The following PLCL2 variants were observed in gnomAD, a reference collection of about 807,000 sequenced individuals.
PLCL2 encodes phospholipase C like 2.
In PLCL2, 4 loss-of-function variants were observed where a neutral mutation model predicts 79.6. The observed-to-expected ratio is 0.05, with a 90% CI of 0.02 to 0.11. The LOEUF (loss-of-function observed/expected upper bound fraction) is 0.11, where lower values mean the gene tolerates loss of function less well. PLCL2 is among the 10% of genes least tolerant of loss of function. The probability of loss-of-function intolerance (pLI) is 1.00; values close to 1 mark genes in which losing one functional copy is unlikely to be tolerated. For synonymous variants in PLCL2, 484 were observed against 457.7 expected (o/e 1.06, Z -0.73); for missense variants, 895 against 1,291.0 (o/e 0.69, Z 4.70).
At chr3:16,888,339 T>C (rs1308276598) in intron 1 of PLCL2, among the ~76,000 whole-genome samples, 1 of 152,230 alleles carries the variant, frequency 6.6e-6, no homozygotes, top group African/African-American at 2.4e-5. Context: ...CACAGATCTA[T>C]ACTAAAAGAA....
intron 3 of PLCL2, among the ~76,000 whole-genome samples, chr3:17,016,107 C>T (rs1295837023): frequency 2.6e-5 from 4 of 152,182 alleles, no homozygotes; most frequent in African/African-American, 9.7e-5. Flanking sequence ...TATTTGCTAT[C>T]ACCATGAGTT....
At chr3:17,046,838 G>A (rs2064785597) in intron 4 of PLCL2, among the ~76,000 whole-genome samples, 1 of 152,124 alleles carries the variant, frequency 6.6e-6, no homozygotes, top group African/African-American at 2.4e-5. Flanking sequence ...CTGGTGACCA[G>A]GTACCTCTGG....
chr3:16,897,652 T>G (rs1696514600), intron 1 of PLCL2, among the ~76,000 whole-genome samples: 1 of 152,206 alleles, frequency 6.6e-6, no homozygotes, highest in Non-Finnish European at 1.5e-5. Flanking sequence ...TAAGGGTGAT[T>G]TATGCGGGGA....
At chr3:16,997,444 G>A (rs2064164996) in intron 1 of PLCL2, among the ~76,000 whole-genome samples, 1 of 151,512 alleles carries the variant, frequency 6.6e-6, no homozygotes, top group African/African-American at 2.4e-5. Flanking sequence ...AGAAAGCTGA[G>A]TTTCCCTTTT....
intron 1 of PLCL2, among the ~76,000 whole-genome samples, chr3:16,902,406 T>G (rs1054423677): frequency 1.3e-5 from 2 of 152,228 alleles, no homozygotes; most frequent in Admixed American, 6.5e-5. Flanking sequence ...ATTTACCTTT[T>G]TCTAAGAGAA....
At position 16,970,217 on chromosome 3, in the gene PLCL2, C is replaced by G. The variant is rs183851976; in HGVS notation, c.328-39457C>G. ...CTAATGCTATCTCTCCCCCCTCCCCCCAGCCCACAACAGTCCCCAGAGTGT... is the reference window on the plus strand; with the variant it reads ...CTAATGCTATCTCTCCCCCCTCCCCGCAGCCCACAACAGTCCCCAGAGTGT... On this transcript the variant is annotated intron_variant, in intron 1 of 5. Coordinates refer to ENST00000615277, the MANE Select transcript of PLCL2 (RefSeq NM_001144382.2). Among the ~76,000 whole-genome samples the G allele has an allele frequency of 3.9e-4, 60 of 151,944 alleles. 1 individual carries two copies. In the South Asian group the frequency reaches 0.011, roughly 29 times the overall value.
chr3:16,983,975 C>T (rs1026572443), intron 1 of PLCL2, among the ~76,000 whole-genome samples: 1 of 152,098 alleles, frequency 6.6e-6, no homozygotes, highest in African/African-American at 2.4e-5. Context: ...ATTATGAAGA[C>T]AATCAAAATA....
intron 4 of PLCL2, among the ~76,000 whole-genome samples, chr3:17,054,637 C>T (rs1477875837): frequency 6.6e-6 from 1 of 152,020 alleles, no homozygotes; most frequent in Non-Finnish European, 1.5e-5. Context: ...TGAGAACTTA[C>T]TATATACTAC....
At position 16,885,390 on chromosome 3, in the gene PLCL2, C is replaced by T. The variant is rs766567189; in HGVS notation, c.327+24C>T. The T allele has an allele frequency of 1.9e-5, 11 of 578,774 alleles. No homozygotes were observed. The South Asian group carries it at 2.0e-4, about 11-fold the overall frequency. The allele number at this position is 578,774 out of a possible 1,614,324, so 35.9% of individuals were successfully genotyped here. The stretch of plus-strand genomic sequence containing the variant: ...AGGTAGGTGGGAGAAGGGCGCTCAT[C>T]GCCCACCCTCAGCCGTCCTTGGATT... On this transcript the variant is annotated intron_variant, in intron 1 of 5. Transcript: ENST00000615277.
At chr3:16,958,576 C>G (rs2063727349) in intron 1 of PLCL2, among the ~76,000 whole-genome samples, 1 of 151,990 alleles carries the variant, frequency 6.6e-6, no homozygotes, top group Admixed American at 6.6e-5. Context: ...GATGATGAAA[C>G]AAATATTAGA....
intron 5 of PLCL2, among the ~76,000 whole-genome samples, chr3:17,073,560 CTT>C (rs546445883): frequency 1.3e-5 from 2 of 152,256 alleles, no homozygotes; most frequent in South Asian, 4.1e-4. Context: ...CTGATGGACT[CTT>C]TGTTTCACCA....
At chr3:17,004,301 A>G (rs1265543193) in intron 1 of PLCL2, among the ~76,000 whole-genome samples, 1 of 152,132 alleles carries the variant, frequency 6.6e-6, no homozygotes, top group African/African-American at 2.4e-5. Context: ...TGACTTTTTA[A>G]GTCACCCATA....
At chr3:16,916,207 T>C (rs1696991699) in intron 1 of PLCL2, among the ~76,000 whole-genome samples, 1 of 152,206 alleles carries the variant, frequency 6.6e-6, no homozygotes, top group Non-Finnish European at 1.5e-5. Flanking sequence ...ATGTGGAATG[T>C]GAAATATAAG....
intron 1 of PLCL2, among the ~76,000 whole-genome samples, chr3:16,945,075 T>A (rs1316000349): frequency 6.6e-6 from 1 of 152,176 alleles, no homozygotes; most frequent in Non-Finnish European, 1.5e-5. Flanking sequence ...CAGATTTTTT[T>A]AAAGCACACA....
intron 4 of PLCL2, among the ~76,000 whole-genome samples, chr3:17,048,599 T>A (rs962969595): frequency 2.0e-5 from 3 of 152,224 alleles, no homozygotes; most frequent in Non-Finnish European, 4.4e-5. Context: ...AGATGCACTA[T>A]TAACTCATAA....
chr3:17,080,112 T>C (rs2065147063), intron 5 of PLCL2, among the ~76,000 whole-genome samples: 1 of 152,168 alleles, frequency 6.6e-6, no homozygotes, highest in Non-Finnish European at 1.5e-5. Context: ...GATTTGCAGC[T>C]CATGTTCCAT....
chr3:17,019,370 A>G (rs2064421985), intron 3 of PLCL2, among the ~76,000 whole-genome samples: 1 of 152,186 alleles, frequency 6.6e-6, no homozygotes, highest in African/African-American at 2.4e-5. Context: ...CTCAGAGACC[A>G]CCTATTGAGC....
rs1016979121 is a variant in PLCL2, at chr3:16,887,813, A to T, written c.327+2447A>T. On this transcript the variant is annotated intron_variant, in intron 1 of 5. Coordinates refer to ENST00000615277, the MANE Select transcript of PLCL2 (RefSeq NM_001144382.2). This position sits in a 1 kb window ranked among gnomAD's most constrained non-coding sequence, Gnocchi z 4.1. ...ACTTTTGTTTAAAAAAAAAAAGAAT[A>T]AAAAGCTAAAGCAGAAGCCCATGTG... 6.6e-6 allele frequency among the ~76,000 whole-genome samples: 1 copy of T among 152,172 alleles called. No individual in the cohort carries two copies. Among genetic ancestry groups the T allele is most frequent in the Admixed American group, 6.5e-5 (1 of 15,286 alleles).
chr3:16,902,817 A>G (rs1255886478), intron 1 of PLCL2, among the ~76,000 whole-genome samples: 4 of 132,782 alleles, frequency 3.0e-5, no homozygotes, highest in Admixed American at 8.0e-5. Flanking sequence ...ACAGAGCTAC[A>G]CTCCATCTCA....
Sources: allele counts gnomAD v4.1 joint callset (sites outside exome capture counted in the v4.1 genomes callset), GRCh38; gene constraint gnomAD v4.1.1; non-coding constraint Gnocchi (gnomAD v3.1); transcripts MANE v1.5; gene names NCBI Gene and HGNC (gene_info 2026-07-23, HGNC 2026-07-21).